GRIN2B: variants seen among roughly 807,000 people sequenced by gnomAD.
The protein encoded by GRIN2B is glutamate ionotropic receptor NMDA type subunit 2B, also known as glutamate receptor ionotropic, NMDA 2B.
Under a neutral mutation model 114.5 loss-of-function variants are expected in GRIN2B, and 5 were observed. The observed-to-expected ratio is 0.04, with a 90% CI of 0.02 to 0.09. The LOEUF is 0.09. Among genes scored for constraint, GRIN2B ranks in the 10% least tolerant of loss-of-function variants. The pLI is 1.00. For synonymous variants in GRIN2B, 787 were observed against 745.1 expected (o/e 1.06, Z -0.92); for missense variants, 1,108 against 1,943.5 (o/e 0.57, Z 8.08).
intron 3 of GRIN2B, among the ~76,000 whole-genome samples, chr12:13,821,910 A>C (rs961597885): frequency 6.6e-6 from 1 of 152,174 alleles, no homozygotes; most frequent in African/African-American, 2.4e-5. Context: ...TCTCTATTAC[A>C]CAAAATAAAT....
chr12:13,901,617 A>G (rs545585920), intron 2 of GRIN2B, among the ~76,000 whole-genome samples: 295 of 152,240 alleles, frequency 1.9e-3, no homozygotes, highest in African/African-American at 7.0e-3. Context: ...CTTAGACAGT[A>G]TAATAGTAAA....
intron 3 of GRIN2B, among the ~76,000 whole-genome samples, chr12:13,778,277 C>T (rs777126820): frequency 1.3e-5 from 2 of 152,212 alleles, no homozygotes; most frequent in Admixed American, 1.3e-4. Context: ...GCTTCTACCC[C>T]AGGTGGATTT....
At chr12:13,578,395 A>G (rs567665318) in intron 10 of GRIN2B, among the ~76,000 whole-genome samples, 5 of 152,322 alleles carry the variant, frequency 3.3e-5, no homozygotes, top group Admixed American at 3.3e-4. Flanking sequence ...GAATCGGTGC[A>G]CCATGTCAGA....
chr12:13,621,836 T>A lies in GRIN2B; in HGVS notation c.1126-5179A>T, dbSNP rs113422812. On this transcript the variant is annotated intron_variant, in intron 5 of 13. Coordinates refer to ENST00000609686, the MANE Select transcript of GRIN2B (RefSeq NM_000834.5). ...TCTGTAATGCTTTTAGACTTCAAAG[T>A]CTTCCTTCTGCTAACAGATTCCTCC... Among the ~76,000 whole-genome samples the A allele has an allele frequency of 5.2e-3, 791 of 152,058 alleles. 7 individuals are homozygous for A. The highest frequency in any genetic ancestry group is 0.018 in the African/African-American group (746 of 41,458).
intron 2 of GRIN2B, among the ~76,000 whole-genome samples, chr12:13,977,721 G>C (rs1259838994): frequency 6.6e-6 from 1 of 152,146 alleles, no homozygotes; most frequent in Non-Finnish European, 1.5e-5. Context: ...GCACCACTGA[G>C]TCACAGCCTC....
intron 3 of GRIN2B, among the ~76,000 whole-genome samples, chr12:13,838,939 C>G (rs1206196832): frequency 6.6e-6 from 1 of 152,186 alleles, no homozygotes; most frequent in Admixed American, 6.5e-5. Flanking sequence ...TGACAACTGC[C>G]CCTCTTGGAA....
chr12:13,603,824 G>A (rs887812897), intron 10 of GRIN2B, among the ~76,000 whole-genome samples: 6 of 151,716 alleles, frequency 4.0e-5, no homozygotes, highest in Non-Finnish European at 5.9e-5. Flanking sequence ...AGTGATTTTG[G>A]AGCCAAATAC....
At chr12:13,568,264 C>A (rs770721112) in intron 12 of GRIN2B, among the ~76,000 whole-genome samples, 3 of 152,232 alleles carry the variant, frequency 2.0e-5, no homozygotes, top group African/African-American at 7.2e-5. Context: ...AAACCATGTG[C>A]CCTAGAATGC....
In GRIN2B at chr12:13,545,162, T is replaced by C. The variant is rs1161866586; in HGVS notation, c.*17621A>G. The C allele has an allele frequency of 6.6e-6, 1 of 152,218 alleles. No homozygotes were observed. The highest frequency in any genetic ancestry group is 1.5e-5 in the Non-Finnish European group (1 of 68,046). 9.4% of individuals were successfully genotyped at this position (152,218 alleles called of 1,614,324 possible). On this transcript the variant is annotated 3_prime_UTR_variant, in exon 14 of 14. Transcript: ENST00000609686. ...CCTTTGCAATTGCTTTCTCTTTGCC[T>C]TTGCATAGAAAGCCCCAAGTCTCAC...
At chr12:13,731,945 C>T (rs1311729317) in intron 4 of GRIN2B, among the ~76,000 whole-genome samples, 1 of 152,128 alleles carries the variant, frequency 6.6e-6, no homozygotes, top group African/African-American at 2.4e-5. Flanking sequence ...CATTAATCTA[C>T]CTTTCAGGGT....
chr12:13,625,666 A>G (rs1949557886), intron 5 of GRIN2B, among the ~76,000 whole-genome samples: 1 of 152,162 alleles, frequency 6.6e-6, no homozygotes, highest in South Asian at 2.1e-4. Flanking sequence ...TACTGAACAA[A>G]TTCTACTTCC....
At chr12:13,633,489 G>A (rs1409564341) in intron 5 of GRIN2B, among the ~76,000 whole-genome samples, 1 of 152,188 alleles carries the variant, frequency 6.6e-6, no homozygotes, top group Non-Finnish European at 1.5e-5. Context: ...GATAAAGGCT[G>A]GAAGTTTACT....
intron 5 of GRIN2B, among the ~76,000 whole-genome samples, chr12:13,628,892 G>T (rs752067395): frequency 6.6e-6 from 1 of 152,146 alleles, no homozygotes; most frequent in Non-Finnish European, 1.5e-5. Flanking sequence ...AAGACATAAG[G>T]TTGTGAATAC....
At chr12:13,757,688 T>C (rs556862845) in intron 3 of GRIN2B, among the ~76,000 whole-genome samples, 8 of 152,268 alleles carry the variant, frequency 5.3e-5, no homozygotes, top group Middle Eastern at 6.8e-3. Flanking sequence ...CTTTAACATA[T>C]TCCTATATAA....
chr12:13,643,046 CA>C (rs2136509009), intron 5 of GRIN2B, among the ~76,000 whole-genome samples: 1 of 152,276 alleles, frequency 6.6e-6, no homozygotes, highest in East Asian at 1.9e-4. Context: ...GTCTCTTTTT[CA>C]ATGATGAATG....
In GRIN2B at chr12:13,975,001, A is replaced by G. The variant is rs557799469; in HGVS notation, c.-19+4927T>C. On this transcript the variant is annotated intron_variant, in intron 2 of 13. Coordinates refer to ENST00000609686, the MANE Select transcript of GRIN2B (RefSeq NM_000834.5). ...ATCAGAATAAGAGAGCACAGAATGA[A>G]AAGAGAGCAGGCAAAAGATGTGCAT... Among the ~76,000 whole-genome samples the G allele has an allele frequency of 2.0e-5, 3 of 152,356 alleles. No homozygotes were observed. In the South Asian group the frequency reaches 6.2e-4, roughly 32 times the overall value.
chr12:13,859,626 A>G (rs1865721391), intron 3 of GRIN2B, among the ~76,000 whole-genome samples: 1 of 152,134 alleles, frequency 6.6e-6, no homozygotes, highest in Non-Finnish European at 1.5e-5. Flanking sequence ...TTACTCCCTC[A>G]TCGTATGCAC....
intron 3 of GRIN2B, among the ~76,000 whole-genome samples, chr12:13,809,525 G>A (rs572061927): frequency 6.6e-6 from 1 of 152,310 alleles, no homozygotes; most frequent in Admixed American, 6.5e-5. Context: ...TGGTTGTTAT[G>A]TGACTCAAAA....
At chr12:13,918,161 TA>T (rs1400081089) in intron 2 of GRIN2B, among the ~76,000 whole-genome samples, 1 of 152,210 alleles carries the variant, frequency 6.6e-6, no homozygotes, top group Non-Finnish European at 1.5e-5. Context: ...ACAAATCTCT[TA>T]ACTCCTCTGG....
Sources: allele counts gnomAD v4.1 joint callset (sites outside exome capture counted in the v4.1 genomes callset), GRCh38; gene constraint gnomAD v4.1.1; transcripts MANE v1.5; gene names NCBI Gene and HGNC (gene_info 2026-07-23, HGNC 2026-07-21).